DLC1: variants seen among roughly 807,000 people sequenced by gnomAD.
DLC1 encodes rho GTPase-activating protein 7.
DLC1 carries 54 observed loss-of-function variants against 140.3 expected under a neutral mutation model. The ratio of observed to expected loss-of-function variants is 0.38; its 90% CI spans 0.31 to 0.48. The LOEUF is 0.48. Ranked by LOEUF, DLC1 falls within the 20% of genes least tolerant of loss-of-function variation. The probability of loss-of-function intolerance (pLI) is 0.96; values close to 1 mark genes in which losing one functional copy is unlikely to be tolerated. For missense variants in DLC1, 2,536 were observed against 1,907.0 expected, an observed-to-expected ratio of 1.33 and a Z score of -6.14; for synonymous variants, 986 against 728.1, an observed-to-expected ratio of 1.35 and a Z score of -5.70.
At chr8:13,271,734 G>C (rs2093468849) in intron 5 of DLC1, among the ~76,000 whole-genome samples, 1 of 152,082 alleles carries the variant, frequency 6.6e-6, no homozygotes, top group Admixed American at 6.5e-5. Flanking sequence ...ATTCAAGCTG[G>C]AGTGCAGTGG....
In DLC1 at chr8:13,572,091, A is replaced by ATTAT. The variant is rs1554545670; in HGVS notation, c.-126+32445_-126+32446insATAA. ...GAGTTTCAGGATTATTATTATTATT[A>ATTAT]TTTATTTTTTTTTTTTGAGATGGAG... On this transcript the variant is annotated intron_variant, in intron 1 of 1. Transcript: ENST00000631382. 2.5e-3 allele frequency among the ~76,000 whole-genome samples: 143 copies of ATTAT among 56,318 alleles called. 1 individual carries two copies. The highest frequency in any genetic ancestry group is 9.1e-3 in the Admixed American group (41 of 4,508). The allele number at this position is 56,318 out of a possible 152,430, so 36.9% of individuals were successfully genotyped here. A position where few individuals can be genotyped will look rare whatever the true frequency, so the allele number is the denominator to read the frequency against.
intron 4 of DLC1, among the ~76,000 whole-genome samples, chr8:13,382,132 A>G (rs1445129247): frequency 6.6e-6 from 1 of 152,148 alleles, no homozygotes; most frequent in Non-Finnish European, 1.5e-5. Flanking sequence ...TAAAAAATGT[A>G]CCTAAAGAAT....
In DLC1 at chr8:13,221,813, T is replaced by C. The variant is rs934717641; in HGVS notation, c.1348+83456A>G. Reference sequence around the variant, plus strand: ...CATCAATATATTAATATAAAATACATATATTATAAAATACATCAAAATATT... The same window carrying C: ...CATCAATATATTAATATAAAATACACATATTATAAAATACATCAAAATATT... On this transcript the variant is annotated intron_variant, in intron 5 of 17. Coordinates refer to ENST00000276297, the MANE Select transcript of DLC1 (RefSeq NM_182643.3). 2.1e-5 allele frequency among the ~76,000 whole-genome samples: 3 copies of C among 144,750 alleles called. No homozygotes were observed. The East Asian group carries it at 5.9e-4, about 28-fold the overall frequency. The allele number at this position is 144,750 out of a possible 152,430, so 95.0% of individuals were successfully genotyped here.
intron 5 of DLC1, among the ~76,000 whole-genome samples, chr8:13,233,766 A>G (rs894352626): frequency 6.6e-6 from 1 of 152,184 alleles, no homozygotes; most frequent in Admixed American, 6.5e-5. Flanking sequence ...ATATTTGGAT[A>G]TGCCTAAATT....
Position 13,496,802 on chromosome 8 carries a change from TTTTTTTTTTTTTTTTTG to T in DLC1, c.1023+2230_1023+2246del, listed in dbSNP as rs1482416703. On this transcript the variant is annotated intron_variant, in intron 2 of 17. Transcript: ENST00000276297. ...GACCATTTCCTTTTTTTTTTTTTTT[TTTTTTTTTTTTTTTTTG>T]AGATGGAGTTTCGCTGTGTCACCCA... Among the ~76,000 whole-genome samples, 19 of 123,778 alleles carry T rather than the reference TTTTTTTTTTTTTTTTTG, an allele frequency of 1.5e-4. 1 individual carries two copies. The highest frequency in any genetic ancestry group is 4.7e-4 in the African/African-American group (15 of 31,814). 81.2% of individuals were successfully genotyped at this position (123,778 alleles called of 152,430 possible).
chr8:13,192,598 T>C (rs1826824630), intron 5 of DLC1, among the ~76,000 whole-genome samples: 1 of 152,214 alleles, frequency 6.6e-6, no homozygotes, highest in African/African-American at 2.4e-5. Context: ...TTTTCATTAA[T>C]GTTTTGGACA....
In DLC1 at chr8:13,410,029, C is replaced by G. The variant is rs1056762045; in HGVS notation, c.1024-8410G>C. Reference sequence around the variant, plus strand: ...AAATTAGGGTGACAGGAATTAGAGTCTCACCTAGGGTAATTCCACAATAAG... The same window carrying G: ...AAATTAGGGTGACAGGAATTAGAGTGTCACCTAGGGTAATTCCACAATAAG... On this transcript the variant is annotated intron_variant, in intron 2 of 17. Coordinates refer to ENST00000276297, the MANE Select transcript of DLC1 (RefSeq NM_182643.3). Among the ~76,000 whole-genome samples the G allele has an allele frequency of 2.0e-5, 3 of 152,054 alleles. No homozygotes were observed. The East Asian group carries it at 5.8e-4, about 29-fold the overall frequency.
At chr8:13,279,628 T>G (rs73665933) in intron 5 of DLC1, among the ~76,000 whole-genome samples, 20,267 of 152,144 alleles carry the variant, frequency 0.13, 1,662 homozygotes, top group African/African-American at 0.22. Flanking sequence ...TGACAACTCA[T>G]TAAGTCCAAA....
At chr8:13,312,386 A>AAAAAAATAAT (rs71207139) in intron 4 of DLC1, among the ~76,000 whole-genome samples, 22 of 81,698 alleles carry the variant, frequency 2.7e-4, no homozygotes, top group South Asian at 9.1e-4. Context: ...AAAAAAAAAA[A>AAAAAAATAAT]AATAATTTCT....
At chr8:13,495,024 A>T (rs1801438620) in intron 2 of DLC1, among the ~76,000 whole-genome samples, 1 of 152,180 alleles carries the variant, frequency 6.6e-6, no homozygotes, top group African/African-American at 2.4e-5. Context: ...TGTTTTTGGA[A>T]TATAAGGTTT....
chr8:13,208,086 C>T (rs1343632528), intron 5 of DLC1, among the ~76,000 whole-genome samples: 1 of 152,082 alleles, frequency 6.6e-6, no homozygotes, highest in Non-Finnish European at 1.5e-5. Context: ...GAATTTTAAA[C>T]CATGGGTTGA....
chr8:13,471,818 T>A (rs971791095), intron 2 of DLC1, among the ~76,000 whole-genome samples: 2 of 152,132 alleles, frequency 1.3e-5, no homozygotes, highest in Non-Finnish European at 2.9e-5. Flanking sequence ...AAATCCTATC[T>A]CACTCCCTTC....
intron 5 of DLC1, among the ~76,000 whole-genome samples, chr8:13,200,580 C>A (rs1417426712): frequency 6.6e-6 from 1 of 151,968 alleles, no homozygotes; most frequent in Non-Finnish European, 1.5e-5. Flanking sequence ...AGACTGATTA[C>A]AATTTTTGTT....
intron 1 of DLC1, among the ~76,000 whole-genome samples, chr8:13,597,971 T>C (rs920981510): frequency 6.6e-6 from 1 of 152,116 alleles, no homozygotes; most frequent in African/African-American, 2.4e-5. Context: ...GGATTGAAGA[T>C]GTTTACACCG....
At chr8:13,562,963 A>T (rs1384984889) in intron 1 of DLC1, among the ~76,000 whole-genome samples, 1 of 152,156 alleles carries the variant, frequency 6.6e-6, no homozygotes, top group African/African-American at 2.4e-5. Context: ...GTGTTTTTAT[A>T]ACAAGAGAGG....
At chr8:13,374,890 C>G (rs1267147505) in intron 4 of DLC1, among the ~76,000 whole-genome samples, 3 of 152,204 alleles carry the variant, frequency 2.0e-5, no homozygotes, top group African/African-American at 7.2e-5. Flanking sequence ...GTTTGCAGTT[C>G]TCCTTGAAGA....
intron 5 of DLC1, among the ~76,000 whole-genome samples, chr8:13,284,667 C>A (rs1219501911): frequency 2.1e-4 from 32 of 149,272 alleles, no homozygotes; most frequent in Admixed American, 2.1e-3. Context: ...AGATCAACTA[C>A]AAGTAAAAAG....
intron 5 of DLC1, among the ~76,000 whole-genome samples, chr8:13,232,824 C>G (rs1318492535): frequency 6.6e-6 from 1 of 152,156 alleles, no homozygotes; most frequent in Non-Finnish European, 1.5e-5. Context: ...CAGATGAGTT[C>G]TTAGAAATAG....
Position 13,424,253 on chromosome 8 carries a change from C to G in DLC1, c.1024-22634G>C, listed in dbSNP as rs528000857. On this transcript the variant is annotated intron_variant, in intron 2 of 17. Coordinates refer to ENST00000276297, the MANE Select transcript of DLC1 (RefSeq NM_182643.3). The stretch of plus-strand genomic sequence containing the variant: ...GTGGCTCACCCCTATAATCCCAGCA[C>G]TTTGGGAGGCCAATCACCTGAAGTC... 2.6e-5 allele frequency among the ~76,000 whole-genome samples: 4 copies of G among 152,156 alleles called. No homozygotes were observed. In the South Asian group the frequency reaches 8.3e-4, roughly 32 times the overall value.
Sources: gnomAD v4.1 joint callset for allele counts (sites outside exome capture counted in the v4.1 genomes callset) on GRCh38, gnomAD v4.1.1 for gene constraint, MANE v1.5 for transcripts, NCBI Gene and HGNC (gene_info 2026-07-23, HGNC 2026-07-21) for gene names.